The following RNF32 variants were observed in gnomAD, a reference collection of about 807,000 sequenced individuals.
RNF32 encodes the protein ring finger protein 32.
A neutral mutation model predicts 41.0 loss-of-function variants in RNF32; 36 were observed. The ratio of observed to expected loss-of-function variants is 0.88; its 90% CI spans 0.67 to 1.16. The LOEUF (loss-of-function observed/expected upper bound fraction) is 1.16. Among genes scored for constraint, RNF32 ranks in the 50% most tolerant of loss-of-function variants. RNF32 has a pLI of 0.00. For missense variants in RNF32, 413 were observed against 436.7 expected, an observed-to-expected ratio of 0.95 and a Z score of 0.48; for synonymous variants, 154 against 160.9, an observed-to-expected ratio of 0.96 and a Z score of 0.32.
Position 156,676,461 on chromosome 7 carries a change from C to G in RNF32, c.895C>G (p.Pro299Ala). 6.2e-7 allele frequency: 1 copy of G among 1,614,078 alleles called. No homozygotes were observed. Among genetic ancestry groups the G allele is most frequent in the Non-Finnish European group, 8.5e-7 (1 of 1,179,968 alleles). ...CCACGAGTGCTCCATCTGCCTGGCC[C>G]CTCTCTCCGCTGCTGGCGGTCAGCG... ...ETHECSICLA[P>A]LSAAGGQRVG... is the part of the protein sequence containing the mutation. The change falls in exon 9 of 9, where the codon CCT becomes GCT. Residue 299 changes from proline (P) to alanine (A), a missense_variant. Physicochemically the swap from Pro to Ala is conservative, Grantham distance 27. Coordinates refer to ENST00000317955, the MANE Select transcript of RNF32 (RefSeq NM_030936.4).
Position 156,658,585 on chromosome 7 carries a change from T to C in RNF32, c.684+15T>C. On this transcript the variant is annotated intron_variant, in intron 7 of 8. Coordinates refer to ENST00000317955, the MANE Select transcript of RNF32 (RefSeq NM_030936.4). ...TTGAAAAAAAGGTAGGTAAAGATCA[T>C]TATGTTCTCCAGATATGGTCTCCGT... 1 of 1,522,218 alleles carries C rather than the reference T, an allele frequency of 6.6e-7. No homozygotes were observed. Among genetic ancestry groups the C allele is most frequent in the Non-Finnish European group, 9.1e-7 (1 of 1,096,542 alleles). The allele number at this position is 1,522,218 out of a possible 1,614,324, so 94.3% of individuals were successfully genotyped here.
chr7:156,658,118 T>G lies in RNF32; in HGVS notation c.451-10T>G, dbSNP rs772052842. 1.2e-6 allele frequency: 2 copies of G among 1,607,582 alleles called. No homozygotes were observed. Among genetic ancestry groups the G allele is most frequent in the South Asian group, 2.2e-5 (2 of 90,036 alleles). Reference sequence around the variant, plus strand: ...ACTTGTAAAATTTTAAGTGAAATGTTTTTCTTCAGGCATGTCTTCAGGCTT... The same window carrying G: ...ACTTGTAAAATTTTAAGTGAAATGTGTTTCTTCAGGCATGTCTTCAGGCTT... On this transcript the variant is annotated splice_polypyrimidine_tract_variant and intron_variant, in intron 5 of 8. Transcript: ENST00000317955.
At chr7:156,647,175 G>C (rs974652231) in intron 3 of RNF32, among the ~76,000 whole-genome samples, 1 of 151,718 alleles carries the variant, frequency 6.6e-6, no homozygotes, top group Non-Finnish European at 1.5e-5. Flanking sequence ...TTTTTTGTTT[G>C]TTTTTTGTGT....
In RNF32 at chr7:156,676,456, T is replaced by C. The variant is rs746679598; in HGVS notation, c.890T>C (p.Leu297Pro). The C allele has an allele frequency of 1.2e-6, 2 of 1,614,120 alleles. No individual in the cohort carries two copies. The highest frequency in any genetic ancestry group is 1.7e-6 in the Non-Finnish European group (2 of 1,179,992). Residue 297 changes from leucine (L) to proline (P), a missense_variant, in exon 9 of 9, where the codon CTG becomes CCG. By Grantham distance (98) the Leu-to-Pro change is moderately conservative. Coordinates refer to ENST00000317955, the MANE Select transcript of RNF32 (RefSeq NM_030936.4). ...GAGACCCACGAGTGCTCCATCTGCC[T>C]GGCCCCTCTCTCCGCTGCTGGCGGT... ...RRETHECSICLAPLSAAGGQR... is the reference protein window; with the variant it reads ...RRETHECSICPAPLSAAGGQR...
chr7:156,671,754 C>T (rs1357807989), intron 7 of RNF32, among the ~76,000 whole-genome samples: 2 of 150,922 alleles, frequency 1.3e-5, no homozygotes, highest in African/African-American at 4.8e-5. Context: ...TATCTCATGT[C>T]ACCATCTTTA....
At chr7:156,656,218 A>G (rs1194462812) in intron 4 of RNF32, among the ~76,000 whole-genome samples, 1 of 152,268 alleles carries the variant, frequency 6.6e-6, no homozygotes, top group East Asian at 1.9e-4. Flanking sequence ...CGCAGAAAGT[A>G]TCAGAGTCCT....
At position 156,654,588 on chromosome 7, in the gene RNF32, G is replaced by C. The variant is rs1213273135; in HGVS notation, c.287G>C (p.Gly96Ala). 6.2e-7 allele frequency: 1 copy of C among 1,613,994 alleles called. No homozygotes were observed. The highest frequency in any genetic ancestry group is 8.5e-7 in the Non-Finnish European group (1 of 1,179,898). Residue 96 changes from glycine to alanine, a missense_variant, in exon 4 of 9, where the codon GGC becomes GCC. Gly to Ala is a moderately conservative substitution (Grantham distance 60). Transcript: ENST00000317955. Reference sequence around the variant, plus strand: ...TGTCTTACTTTAGCACAGAAGTTGGGCCTCATTGGGCCTCCACCACCTCCA... The same window carrying C: ...TGTCTTACTTTAGCACAGAAGTTGGCCCTCATTGGGCCTCCACCACCTCCA... ...PPPLTLAQKL[G>A]LIGPPPPPLS...
intron 3 of RNF32, among the ~76,000 whole-genome samples, chr7:156,647,411 G>C (rs182797750): frequency 6.6e-6 from 1 of 151,852 alleles, no homozygotes; most frequent in African/African-American, 2.4e-5. Context: ...TTGCATACTC[G>C]TATCTTAGCT....
At chr7:156,659,623 TATATAA>T in intron 7 of RNF32, 2 of 921,110 alleles carry the variant, frequency 2.2e-6, no homozygotes, top group Non-Finnish European at 2.6e-6. Flanking sequence ...TTACCTTATA[TATATAA>T]ATATTTTTCA....
At chr7:156,652,044 A>C (rs1798812427) in intron 3 of RNF32, among the ~76,000 whole-genome samples, 1 of 152,144 alleles carries the variant, frequency 6.6e-6, no homozygotes, top group Admixed American at 6.5e-5. Flanking sequence ...CTTCTCTGTC[A>C]GTAGCTCCCT....
chr7:156,658,672 C>T (rs1186127558), intron 7 of RNF32, 102 bp downstream of exon 7: 2 of 837,414 alleles, frequency 2.4e-6, no homozygotes, highest in Non-Finnish European at 3.8e-6. Flanking sequence ...AGACTTACTT[C>T]ACTTTGAGGG....
chr7:156,664,043 A>G (rs6965850), intron 7 of RNF32, among the ~76,000 whole-genome samples: 79,728 of 152,162 alleles, frequency 0.52, 23,447 homozygotes, highest in African/African-American at 0.79. Flanking sequence ...AAAACACCAC[A>G]ATCCTAGCAG....
intron 7 of RNF32, among the ~76,000 whole-genome samples, chr7:156,668,780 T>C (rs1002261268): frequency 1.4e-4 from 22 of 152,226 alleles, no homozygotes; most frequent in African/African-American, 5.3e-4. Flanking sequence ...GCCTGTTCTA[T>C]GGCAGCTGAG....
At chr7:156,643,384 T>A (rs1797609744) in intron 1 of RNF32, among the ~76,000 whole-genome samples, 1 of 152,226 alleles carries the variant, frequency 6.6e-6, no homozygotes, top group Non-Finnish European at 1.5e-5. Context: ...TCATGCTGAT[T>A]TCCAGCCTGC....
chr7:156,668,968 T>G (rs1801838325), intron 7 of RNF32: 1 of 152,250 alleles, frequency 6.6e-6, no homozygotes, highest in South Asian at 2.1e-4. Context: ...AGGAAATGCT[T>G]TAATTCCTCT....
At chr7:156,649,156 CT>C (rs760335985) in intron 3 of RNF32, among the ~76,000 whole-genome samples, 4,487 of 146,350 alleles carry the variant, frequency 0.031, 80 homozygotes, top group Middle Eastern at 0.05. Flanking sequence ...GACGTTTCCT[CT>C]TTTTTTTTTT....
chr7:156,644,858 A>C, intron 3 of RNF32, 101 bp downstream of exon 3: 1 of 1,245,272 alleles, frequency 8.0e-7, no homozygotes, highest in Non-Finnish European at 1.1e-6. Flanking sequence ...ACTTATTTAT[A>C]ATTATACAGA....
chr7:156,672,298 G>A (rs1284999482), intron 7 of RNF32, among the ~76,000 whole-genome samples: 4 of 152,124 alleles, frequency 2.6e-5, no homozygotes, highest in African/African-American at 7.2e-5. Flanking sequence ...GTGTGACGAC[G>A]ACAGGTGCAA....
intron 3 of RNF32, among the ~76,000 whole-genome samples, chr7:156,651,878 A>G (rs1164731700): frequency 1.3e-5 from 2 of 152,184 alleles, no homozygotes; most frequent in African/African-American, 4.8e-5. Flanking sequence ...ATCAATGGGG[A>G]CGTTGCTTCT....
Sources: allele counts gnomAD v4.1 joint callset (sites outside exome capture counted in the v4.1 genomes callset), GRCh38; gene constraint gnomAD v4.1.1; transcripts MANE v1.5; gene names NCBI Gene and HGNC (gene_info 2026-07-23, HGNC 2026-07-21).